ITFG1: variants seen among roughly 807,000 people sequenced by gnomAD.
ITFG1 encodes the protein integrin alpha FG-GAP repeat containing 1.
In ITFG1, 34 loss-of-function variants were observed where a neutral mutation model predicts 81.8. The ratio of observed to expected loss-of-function variants is 0.42; its 90% CI spans 0.32 to 0.55. The LOEUF is 0.55. Among genes scored for constraint, ITFG1 ranks in the 20% least tolerant of loss-of-function variants. The pLI, the probability that ITFG1 is intolerant of heterozygous loss-of-function variation, is 0.17. For missense variants in ITFG1, 672 were observed against 755.4 expected, an observed-to-expected ratio of 0.89 and a Z score of 1.29; for synonymous variants, 285 against 270.6, an observed-to-expected ratio of 1.05 and a Z score of -0.52.
intron 5 of ITFG1, among the ~76,000 whole-genome samples, chr16:47,439,781 C>G (rs1018056553): frequency 6.6e-6 from 1 of 152,106 alleles, no homozygotes; most frequent in Non-Finnish European, 1.5e-5. Context: ...CATCAACTAA[C>G]GAGCAAAATA....
chr16:47,411,862 C>T (rs940347454), intron 6 of ITFG1, among the ~76,000 whole-genome samples: 1 of 152,208 alleles, frequency 6.6e-6, no homozygotes, highest in Non-Finnish European at 1.5e-5. Context: ...AAGAGGCGCA[C>T]TGCTGAGTAA....
intron 14 of ITFG1, among the ~76,000 whole-genome samples, chr16:47,168,838 T>C (rs1187249984): frequency 6.6e-6 from 1 of 152,178 alleles, no homozygotes; most frequent in Non-Finnish European, 1.5e-5. Context: ...CTTCTAAGAA[T>C]TTTGCAATCT....
At position 47,426,896 on chromosome 16, in the gene ITFG1, G is replaced by A. The variant is rs1052356002; in HGVS notation, c.655+1908C>T. ...ATTACATCTCACAGCCACTAGGCCT[G>A]CTTTACTCATTTGCAATTAGTACAT... On this transcript the variant is annotated intron_variant, in intron 6 of 17. Transcript: ENST00000320640. Among the ~76,000 whole-genome samples the A allele has an allele frequency of 2.0e-5, 3 of 152,264 alleles. No homozygotes were observed. In the East Asian group the frequency reaches 5.8e-4, roughly 29 times the overall value.
intron 2 of ITFG1, 137 bp from the exon 3 acceptor site, chr16:47,454,295 T>A (rs962588813): frequency 5.4e-6 from 4 of 736,154 alleles, no homozygotes; most frequent in Middle Eastern, 2.7e-4. Flanking sequence ...CTCTTTCCTA[T>A]CTTTTCATCC....
intron 10 of ITFG1, among the ~76,000 whole-genome samples, chr16:47,310,004 A>G (rs1967232221): frequency 6.6e-6 from 1 of 152,178 alleles, no homozygotes; most frequent in South Asian, 2.1e-4. Context: ...AACAACACTC[A>G]CGTTCCATTC....
chr16:47,205,801 T>C (rs1341515944), intron 14 of ITFG1, among the ~76,000 whole-genome samples: 6 of 152,092 alleles, frequency 3.9e-5, no homozygotes, highest in Non-Finnish European at 8.8e-5. Context: ...TCATAGTTGT[T>C]TGTCAATTTC....
chr16:47,383,627 C>T (rs908880823), intron 6 of ITFG1, among the ~76,000 whole-genome samples: 7 of 152,174 alleles, frequency 4.6e-5, no homozygotes, highest in African/African-American at 1.7e-4. Context: ...AAGACTGGGC[C>T]GGGCATGGTG....
At chr16:47,414,381 C>T (rs552503113) in intron 6 of ITFG1, among the ~76,000 whole-genome samples, 121 of 151,854 alleles carry the variant, frequency 8.0e-4, no homozygotes, top group African/African-American at 2.7e-3. Context: ...AAAAAATTAG[C>T]TGGGTGTGGT....
At chr16:47,421,629 A>C (rs916865670) in intron 6 of ITFG1, among the ~76,000 whole-genome samples, 1 of 152,118 alleles carries the variant, frequency 6.6e-6, no homozygotes, top group Non-Finnish European at 1.5e-5. Flanking sequence ...TTAAGTGGAA[A>C]ATTTAAGCCA....
At chr16:47,397,144 C>A (rs1968603928) in intron 6 of ITFG1, among the ~76,000 whole-genome samples, 1 of 152,186 alleles carries the variant, frequency 6.6e-6, no homozygotes, top group Admixed American at 6.5e-5. Flanking sequence ...AGTTGCTGAT[C>A]TCTAAACACC....
intron 10 of ITFG1, among the ~76,000 whole-genome samples, chr16:47,282,426 T>A (rs1320281864): frequency 6.6e-6 from 1 of 152,124 alleles, no homozygotes; most frequent in Admixed American, 6.6e-5. Context: ...TCATTCTTTT[T>A]TATAGATGAG....
At chr16:47,368,671 A>G (rs1284656428) in intron 7 of ITFG1, among the ~76,000 whole-genome samples, 1 of 150,842 alleles carries the variant, frequency 6.6e-6, no homozygotes, top group Non-Finnish European at 1.5e-5. Context: ...TCAGCCTTCT[A>G]TGAGATAAAG....
chr16:47,460,058 C>CA (rs1234473296), intron 1 of ITFG1, among the ~76,000 whole-genome samples: 6 of 152,060 alleles, frequency 3.9e-5, no homozygotes, highest in Non-Finnish European at 8.8e-5. Flanking sequence ...TCAAGATTTA[C>CA]AAAAAAGTTA....
chr16:47,458,130 C>T lies in ITFG1; in HGVS notation c.281+973G>A, dbSNP rs1969476546. ...GTAAATCAATTTAAAATACTGTTTT[C>T]ATCATCTCTCCTTTGCACAAGGACC... On this transcript the variant is annotated intron_variant, in intron 2 of 17. Transcript: ENST00000320640. Among the ~76,000 whole-genome samples the T allele has an allele frequency of 1.1e-4, 17 of 152,216 alleles. 1 individual carries two copies. The highest frequency in any genetic ancestry group is 1.1e-3 in the Admixed American group (17 of 15,280).
chr16:47,352,797 T>G (rs1055504630), intron 8 of ITFG1, among the ~76,000 whole-genome samples: 1 of 152,130 alleles, frequency 6.6e-6, no homozygotes, highest in Non-Finnish European at 1.5e-5. Context: ...AGCAAAGACT[T>G]GGAACCAACC....
intron 6 of ITFG1, among the ~76,000 whole-genome samples, chr16:47,391,127 C>A (rs1185062605): frequency 9.2e-5 from 14 of 151,944 alleles, no homozygotes; most frequent in Admixed American, 9.2e-4. Flanking sequence ...GGAGAACCCA[C>A]AAGCAGAGGC....
chr16:47,365,674 C>A, intron 8 of ITFG1, 114 bp downstream of exon 8: 1 of 636,260 alleles, frequency 1.6e-6, no homozygotes, highest in South Asian at 2.1e-5. Flanking sequence ...GCTATAATAG[C>A]TCTGAAGACC....
chr16:47,294,885 G>A (rs920679110), intron 10 of ITFG1, among the ~76,000 whole-genome samples: 6 of 152,030 alleles, frequency 3.9e-5, no homozygotes, highest in African/African-American at 7.2e-5. Flanking sequence ...TGGTTAGGAC[G>A]TCCGGTATTA....
chr16:47,368,076 T>C (rs1294289650), intron 7 of ITFG1, among the ~76,000 whole-genome samples: 1 of 150,618 alleles, frequency 6.6e-6, no homozygotes, highest in Non-Finnish European at 1.5e-5. Context: ...CTACTAAAAA[T>C]ACAAAAAATT....
Sources: gnomAD v4.1 joint callset for allele counts (sites outside exome capture counted in the v4.1 genomes callset) on GRCh38, gnomAD v4.1.1 for gene constraint, MANE v1.5 for transcripts, NCBI Gene and HGNC (gene_info 2026-07-23, HGNC 2026-07-21) for gene names.